Variants in NDRG3 observed in about 807,000 individuals in gnomAD.
NDRG3 encodes protein NDRG3.
In NDRG3, 23 loss-of-function variants were observed where a neutral mutation model predicts 57.2. The observed-to-expected ratio is 0.40, with a 90% CI of 0.29 to 0.57. The LOEUF is 0.57. Ranked by LOEUF, NDRG3 falls within the 20% of genes least tolerant of loss-of-function variation. The pLI, the probability that NDRG3 is intolerant of heterozygous loss-of-function variation, is 0.42. For synonymous variants in NDRG3, 132 were observed against 162.6 expected, an observed-to-expected ratio of 0.81 and a Z score of 1.43; for missense variants, 384 against 457.3, an observed-to-expected ratio of 0.84 and a Z score of 1.46.
At chr20:36,729,238 C>T (rs1985130909) in intron 1 of NDRG3, among the ~76,000 whole-genome samples, 1 of 152,142 alleles carries the variant, frequency 6.6e-6, no homozygotes, top group Non-Finnish European at 1.5e-5. Flanking sequence ...AGGACAAGAG[C>T]CCTCACTATC....
chr20:36,669,919 T>C (rs1979999186), intron 9 of NDRG3, among the ~76,000 whole-genome samples: 2 of 152,130 alleles, frequency 1.3e-5, no homozygotes, highest in Non-Finnish European at 2.9e-5. Flanking sequence ...AGTATATTAA[T>C]ACAATGAACT....
intron 3 of NDRG3, among the ~76,000 whole-genome samples, chr20:36,701,713 A>G (rs1054361896): frequency 1.3e-5 from 2 of 151,498 alleles, no homozygotes; most frequent in African/African-American, 4.9e-5. Flanking sequence ...ATGCCTGGCT[A>G]ATTTTGTATT....
rs773570043 is a variant in NDRG3, at chr20:36,665,272, A to G, written c.722T>C (p.Ile241Thr). ...TGATTTGTTATCATTTTGGCCCAGTATGGGTCTTTCGATCTCCAGGTCTCT... is the reference window on the plus strand; with the variant it reads ...TGATTTGTTATCATTTTGGCCCAGTGTGGGTCTTTCGATCTCCAGGTCTCT... ...GRRDLEIERP[I>T]LGQNDNKSKT... Residue 241 changes from isoleucine (I) to threonine (T), a missense_variant, in exon 11 of 16, where the codon ATA (isoleucine) becomes ACA (threonine). Physicochemically the swap from Ile to Thr is moderately conservative, Grantham distance 89. Coordinates refer to ENST00000349004, the MANE Select transcript of NDRG3 (RefSeq NM_032013.4). 28 of 1,614,094 alleles carry G rather than the reference A, an allele frequency of 1.7e-5. No homozygotes were observed. In the Admixed American group the frequency reaches 2.2e-4, roughly 12 times the overall value.
chr20:36,656,272 A>G (rs1600847395), intron 15 of NDRG3, 88 bp downstream of exon 15: 2 of 1,283,530 alleles, frequency 1.6e-6, no homozygotes, highest in Non-Finnish European at 2.2e-6. Flanking sequence ...CACAGAGGTT[A>G]TATCTCAAGA....
chr20:36,723,659 A>AATGTGTGT (rs74173994), intron 1 of NDRG3, among the ~76,000 whole-genome samples: 106 of 132,938 alleles, frequency 8.0e-4, no homozygotes, highest in African/African-American at 2.9e-3. Context: ...ATATTAGTCT[A>AATGTGTGT]GTGTGTGTGT....
intron 1 of NDRG3, among the ~76,000 whole-genome samples, chr20:36,726,229 A>G (rs1161345026): frequency 3.3e-5 from 5 of 152,064 alleles, no homozygotes; most frequent in African/African-American, 9.7e-5. Flanking sequence ...ATCCCTAAGT[A>G]TTTTTTTAAA....
chr20:36,700,159 T>A (rs1053346567), intron 3 of NDRG3, among the ~76,000 whole-genome samples: 2 of 151,476 alleles, frequency 1.3e-5, no homozygotes, highest in African/African-American at 2.4e-5. Flanking sequence ...AGGGCAAAGT[T>A]ACTACTTTGT....
intron 1 of NDRG3, among the ~76,000 whole-genome samples, chr20:36,737,144 T>C (rs550647543): frequency 4.6e-5 from 7 of 152,238 alleles, no homozygotes; most frequent in African/African-American, 7.2e-5. Context: ...CTGGTATAAA[T>C]AACTGCTAGA....
At chr20:36,715,699 C>G (rs1984234128) in intron 2 of NDRG3, among the ~76,000 whole-genome samples, 1 of 148,310 alleles carries the variant, frequency 6.7e-6, no homozygotes, top group Admixed American at 6.7e-5. Context: ...CACCTGTGGT[C>G]CCAACTACTT....
At chr20:36,694,435 T>A (rs1982600276) in intron 3 of NDRG3, among the ~76,000 whole-genome samples, 1 of 152,192 alleles carries the variant, frequency 6.6e-6, no homozygotes, top group Non-Finnish European at 1.5e-5. Context: ...CTGTCTAATG[T>A]CAATTTGTTT....
At chr20:36,680,037 T>C (rs1981118403) in intron 8 of NDRG3, among the ~76,000 whole-genome samples, 2 of 150,852 alleles carry the variant, frequency 1.3e-5, no homozygotes, top group Admixed American at 6.6e-5. Flanking sequence ...TTGGTCAGGC[T>C]GGTCTCAAAC....
chr20:36,660,266 A>T, intron 13 of NDRG3, 71 bp downstream of exon 13: 1 of 1,216,516 alleles, frequency 8.2e-7, no homozygotes. Flanking sequence ...CTTTCTAAGC[A>T]ATTATTCCAG....
At position 36,656,392 on chromosome 20, in the gene NDRG3, G is replaced by A; in HGVS notation, c.914C>T (p.Ala305Val). The stretch of plus-strand genomic sequence containing the variant: ...CATTCCCTGCAAAAAGTACTTGAAG[G>A]CCTCGGTGAGCTTCCCAGGCTGGGG... ...QVVQPGKLTE[A>V]FKYFLQGMGY... is the part of the protein sequence containing the mutation. Residue 305 changes from alanine to valine, a missense_variant, in exon 15 of 16, where the codon GCC (alanine) becomes GTC (valine). Ala to Val is a moderately conservative substitution (Grantham distance 64). Coordinates refer to ENST00000349004, the MANE Select transcript of NDRG3 (RefSeq NM_032013.4). 1 of 1,614,104 alleles carries A rather than the reference G, an allele frequency of 6.2e-7. No individual in the cohort carries two copies. Among genetic ancestry groups the A allele is most frequent in the Non-Finnish European group, 8.5e-7 (1 of 1,180,010 alleles).
At chr20:36,723,332 C>T (rs1984711979) in intron 1 of NDRG3, among the ~76,000 whole-genome samples, 1 of 152,082 alleles carries the variant, frequency 6.6e-6, no homozygotes, top group Non-Finnish European at 1.5e-5. Flanking sequence ...TGCAAGAAGC[C>T]ATGGGGATAG....
chr20:36,676,697 A>G (rs1162981318), intron 8 of NDRG3, among the ~76,000 whole-genome samples: 1 of 152,222 alleles, frequency 6.6e-6, no homozygotes, highest in Non-Finnish European at 1.5e-5. Flanking sequence ...TCCTGACCTC[A>G]GGTGATCCAC....
chr20:36,679,195 G>C (rs1206262615), intron 8 of NDRG3, among the ~76,000 whole-genome samples: 1 of 152,202 alleles, frequency 6.6e-6, no homozygotes, highest in Non-Finnish European at 1.5e-5. Context: ...CTGACCTCAA[G>C]TGATCCTCCC....
chr20:36,743,611 G>A (rs796584195), intron 1 of NDRG3, among the ~76,000 whole-genome samples: 23 of 152,018 alleles, frequency 1.5e-4, no homozygotes, highest in African/African-American at 5.3e-4. Flanking sequence ...TCAGGAAATC[G>A]AGACCATCCT....
intron 2 of NDRG3, among the ~76,000 whole-genome samples, chr20:36,717,471 C>A (rs946937238): frequency 3.9e-5 from 6 of 152,162 alleles, no homozygotes; most frequent in African/African-American, 1.4e-4. Flanking sequence ...GGGTAAGCCA[C>A]AAAGGTGATG....
At chr20:36,670,970 CT>C (rs1222476387) in intron 9 of NDRG3, among the ~76,000 whole-genome samples, 2 of 152,206 alleles carry the variant, frequency 1.3e-5, no homozygotes, top group Admixed American at 6.5e-5. Context: ...AATCTCTAAG[CT>C]TCTTTTAGCA....
Sources: allele counts gnomAD v4.1 joint callset (sites outside exome capture counted in the v4.1 genomes callset), GRCh38; gene constraint gnomAD v4.1.1; transcripts MANE v1.5; gene names NCBI Gene and HGNC (gene_info 2026-07-23, HGNC 2026-07-21).